PRKCA: variants seen among roughly 807,000 people sequenced by gnomAD.
PRKCA encodes the protein protein kinase C alpha type.
A neutral mutation model predicts 87.0 loss-of-function variants in PRKCA; 27 were observed. The ratio of observed to expected loss-of-function variants is 0.31; its 90% CI spans 0.23 to 0.43. PRKCA has a LOEUF of 0.43. Among genes scored for constraint, PRKCA ranks in the 20% least tolerant of loss-of-function variants. The pLI, the probability that PRKCA is intolerant of heterozygous loss-of-function variation, is 1.00. For synonymous variants in PRKCA, 329 were observed against 311.1 expected, an observed-to-expected ratio of 1.06 and a Z score of -0.61; for missense variants, 518 against 852.3, an observed-to-expected ratio of 0.61 and a Z score of 4.88.
chr17:66,708,661 G>C (rs930992914), intron 8 of PRKCA, among the ~76,000 whole-genome samples: 2 of 152,148 alleles, frequency 1.3e-5, no homozygotes, highest in African/African-American at 4.8e-5. Context: ...ACCTCCTAAA[G>C]TCATGCCATA....
chr17:66,680,040 T>G (rs1972447738), intron 5 of PRKCA, among the ~76,000 whole-genome samples: 1 of 152,254 alleles, frequency 6.6e-6, no homozygotes, highest in Non-Finnish European at 1.5e-5. Context: ...TCATTTTTTA[T>G]TCCTCAAAGA....
chr17:66,321,088 T>A (rs1023304171), intron 2 of PRKCA, among the ~76,000 whole-genome samples: 1 of 152,204 alleles, frequency 6.6e-6, no homozygotes, highest in Non-Finnish European at 1.5e-5. Context: ...ACACAAAATA[T>A]ACAAAATAAC....
intron 2 of PRKCA, among the ~76,000 whole-genome samples, chr17:66,419,488 C>T (rs1187742566): frequency 6.6e-6 from 1 of 152,068 alleles, no homozygotes; most frequent in Non-Finnish European, 1.5e-5. Context: ...TAGTTTAAAA[C>T]AAGTAGCTGT....
chr17:66,333,138 A>C (rs1431080973), intron 2 of PRKCA, among the ~76,000 whole-genome samples: 2 of 152,244 alleles, frequency 1.3e-5, no homozygotes. Context: ...CATCTGCCAT[A>C]CATGGAAATA....
chr17:66,796,229 C>T (rs1975664208), intron 16 of PRKCA, among the ~76,000 whole-genome samples: 2 of 152,218 alleles, frequency 1.3e-5, no homozygotes, highest in Admixed American at 1.3e-4. Context: ...CTGTAACCTT[C>T]TAGAATGTTT....
intron 8 of PRKCA, among the ~76,000 whole-genome samples, chr17:66,715,819 G>T (rs1246951697): frequency 6.6e-6 from 1 of 152,114 alleles, no homozygotes; most frequent in Non-Finnish European, 1.5e-5. Context: ...CCTCGGTAAG[G>T]CAGACTAGTG....
chr17:66,734,298 T>C (rs1270705184), intron 9 of PRKCA, among the ~76,000 whole-genome samples: 2 of 152,362 alleles, frequency 1.3e-5, no homozygotes, highest in East Asian at 3.9e-4. Context: ...CAGCATGGGC[T>C]GCTTGACTGA....
At chr17:66,331,894 TAGACTTTTCCTTGATGGAAACTTTCTCCA>T (rs1906347504) in intron 2 of PRKCA, among the ~76,000 whole-genome samples, 1 of 152,262 alleles carries the variant, frequency 6.6e-6, no homozygotes, top group Non-Finnish European at 1.5e-5. Flanking sequence ...TGCATTGCTG[TAGACTTTTCCTTGATGGAAACTTTCTCCA>T]AGACAATATA....
chr17:66,574,406 A>G (rs1184466799), intron 3 of PRKCA, among the ~76,000 whole-genome samples: 1 of 152,206 alleles, frequency 6.6e-6, no homozygotes, highest in African/African-American at 2.4e-5. Context: ...GGGGACGACA[A>G]TAATCCCTGT....
chr17:66,803,214 G>A lies in PRKCA; in HGVS notation c.1855-659G>A, dbSNP rs1975941383. ...ACATCCTCCAGCCTGAGACCACCCT[G>A]CAAATAAGCTCCAGTCAGTCACCCA... On this transcript the variant is annotated intron_variant, in intron 16 of 16. Transcript: ENST00000413366. The surrounding 1 kb of genome is among the most constrained non-coding windows in gnomAD (Gnocchi z 4.4). 6.6e-6 allele frequency among the ~76,000 whole-genome samples: 1 copy of A among 152,100 alleles called. No homozygotes were observed. Among genetic ancestry groups the A allele is most frequent in the South Asian group, 2.1e-4 (1 of 4,818 alleles).
At chr17:66,435,862 A>G (rs1220592415) in intron 2 of PRKCA, among the ~76,000 whole-genome samples, 3 of 152,158 alleles carry the variant, frequency 2.0e-5, no homozygotes, top group Non-Finnish European at 2.9e-5. Flanking sequence ...AGCGCTAAGA[A>G]TAAAGGAGAT....
At chr17:66,546,419 A>T (rs769980743) in intron 3 of PRKCA, among the ~76,000 whole-genome samples, 27 of 152,260 alleles carry the variant, frequency 1.8e-4, no homozygotes, top group Admixed American at 6.5e-5. Flanking sequence ...GAAGTCCACA[A>T]TTAAGGCCTT....
At chr17:66,565,698 A>T (rs1968870009) in intron 3 of PRKCA, among the ~76,000 whole-genome samples, 1 of 151,378 alleles carries the variant, frequency 6.6e-6, no homozygotes, top group Non-Finnish European at 1.5e-5. Flanking sequence ...AGAGATATGT[A>T]CTAATGAAAT....
rs201655136 is a variant in PRKCA, at chr17:66,322,636, A to AT, written c.205+16511dup. The stretch of plus-strand genomic sequence containing the variant: ...TCTCACCGTGCCCAGCTAATTTTTA[A>AT]TTGTTTTTTTTTTTTTTTGTAGAGA... On this transcript the variant is annotated intron_variant, in intron 2 of 16. Transcript: ENST00000413366. 7.4e-4 allele frequency among the ~76,000 whole-genome samples: 91 copies of AT among 122,262 alleles called. 2 individuals carry two copies. Among genetic ancestry groups the AT allele is most frequent in the East Asian group, 2.4e-3 (10 of 4,210 alleles). 80.2% of individuals were successfully genotyped at this position (122,262 alleles called of 152,430 possible). A position where few individuals can be genotyped will look rare whatever the true frequency, so the allele number is the denominator to read the frequency against.
chr17:66,433,020 A>T (rs1443046843), intron 2 of PRKCA, among the ~76,000 whole-genome samples: 1 of 152,024 alleles, frequency 6.6e-6, no homozygotes, highest in African/African-American at 2.4e-5. Context: ...CCAAAACTAG[A>T]CTCTGATGTG....
intron 3 of PRKCA, among the ~76,000 whole-genome samples, chr17:66,574,350 A>T (rs1361639346): frequency 6.6e-6 from 1 of 152,208 alleles, no homozygotes; most frequent in Non-Finnish European, 1.5e-5. Context: ...AGCCTTGGAC[A>T]AGTCACTTAA....
intron 2 of PRKCA, among the ~76,000 whole-genome samples, chr17:66,370,553 T>TC (rs1345104135): frequency 2.1e-5 from 3 of 139,938 alleles, no homozygotes; most frequent in Non-Finnish European, 3.1e-5. Flanking sequence ...TCTTTTCTTT[T>TC]TTTTTTTTTT....
At chr17:66,757,601 A>G (rs1974580929) in intron 13 of PRKCA, among the ~76,000 whole-genome samples, 1 of 150,988 alleles carries the variant, frequency 6.6e-6, no homozygotes, top group African/African-American at 2.4e-5. Context: ...CGAACCTAGA[A>G]TTGTGTACCC....
chr17:66,542,789 A>G (rs1968026637), intron 3 of PRKCA, among the ~76,000 whole-genome samples: 1 of 152,174 alleles, frequency 6.6e-6, no homozygotes, highest in South Asian at 2.1e-4. Flanking sequence ...GTACAGATTA[A>G]TGCTTTTTTT....
Sources: gnomAD v4.1 joint callset for allele counts (sites outside exome capture counted in the v4.1 genomes callset) on GRCh38, gnomAD v4.1.1 for gene constraint, Gnocchi (gnomAD v3.1) non-coding constraint, MANE v1.5 for transcripts, NCBI Gene and HGNC (gene_info 2026-07-23, HGNC 2026-07-21) for gene names.